The following GZMH variants were observed in gnomAD, a reference collection of about 807,000 sequenced individuals.
GZMH encodes the protein granzyme H, also known as cathepsin G-like 2, protein h-CCPX.
Under a neutral mutation model 20.7 loss-of-function variants are expected in GZMH, and 24 were observed. That is an observed-to-expected ratio of 1.16 (90% CI 0.84 to 1.63). The LOEUF (loss-of-function observed/expected upper bound fraction) is 1.63, where lower values mean the gene tolerates loss of function less well. Among genes scored for constraint, GZMH ranks in the 40% most tolerant of loss-of-function variants. The pLI is 0.00. For synonymous variants in GZMH, 119 were observed against 116.1 expected (o/e 1.02, Z -0.16); for missense variants, 344 against 302.7 (o/e 1.14, Z -1.01).
chr14:24,606,751 G>T lies in GZMH; in HGVS notation c.598-5C>A. On this transcript the variant is annotated splice_region_variant and splice_polypyrimidine_tract_variant and intron_variant, in intron 4 of 4. Coordinates refer to ENST00000216338, the MANE Select transcript of GZMH (RefSeq NM_033423.5). ...GAGGGGCCCCCCGGAGTCCCCCTGT[G>T]AACAGAGAGAGGAAAGACTGAGCTA... is the stretch of plus-strand genomic sequence containing the variant. 2 of 1,611,830 alleles carry T rather than the reference G, an allele frequency of 1.2e-6. No homozygotes were observed. Among genetic ancestry groups the T allele is most frequent in the Non-Finnish European group, 1.7e-6 (2 of 1,178,990 alleles).
rs774506401 is a variant in GZMH at position 24,606,730 on chromosome 14, G to A, written c.614C>T (p.Pro205Leu). 1.2e-6 allele frequency: 2 copies of A among 1,613,640 alleles called. No individual in the cohort carries two copies. Among genetic ancestry groups the A allele is most frequent in the Admixed American group, 1.7e-5 (1 of 59,994 alleles). ...TTGGGCTACGTCCTTACACACGAGG[G>A]GCCCCCCGGAGTCCCCCTGTGAACA... ...QTGFKGDSGG[P>L]LVCKDVAQGI... The change falls in exon 5 of 5, where the codon CCC (proline) becomes CTC (leucine). Residue 205 changes from proline (P) to leucine (L), a missense_variant. Coordinates refer to ENST00000216338, the MANE Select transcript of GZMH (RefSeq NM_033423.5).
chr14:24,606,536 C>T lies in GZMH; in HGVS notation c.*67G>A. 1 of 1,495,872 alleles carries T rather than the reference C, an allele frequency of 6.7e-7. No individual in the cohort carries two copies. Among genetic ancestry groups the T allele is most frequent in the South Asian group, 1.2e-5 (1 of 80,084 alleles). 92.7% of individuals were successfully genotyped at this position (1,495,872 alleles called of 1,614,324 possible). A position where few individuals can be genotyped will look rare whatever the true frequency, so the allele number is the denominator to read the frequency against. ...GTCCTGCAACCCCGACTGCCCACCC[C>T]TTGGGGATTCTTGCCTCTGTCCCAG... On this transcript the variant is annotated 3_prime_UTR_variant, in exon 5 of 5. Coordinates refer to ENST00000216338, the MANE Select transcript of GZMH (RefSeq NM_033423.5).
At chr14:24,607,876 T>C (rs1292524661) in intron 2 of GZMH, 129 bp from the exon 3 acceptor site, 1 of 1,363,126 alleles carries the variant, frequency 7.3e-7, no homozygotes, top group Non-Finnish European at 1.0e-6. Flanking sequence ...ACAGGAGGGC[T>C]CCAGGGCTGA....
rs1352268893 is a variant in GZMH, at chr14:24,606,632, A to C, written c.712T>G (p.Trp238Gly). ...VYIKVSHFLP[W>G]IKRTMKRL ...AGGCGCTTCATTGTTCTCTTTATCC[A>C]GGGCAGGAAGTGTGAGACCTTGATG... Residue 238 changes from tryptophan to glycine, a missense_variant, in exon 5 of 5, where the codon TGG becomes GGG. Physicochemically the swap from Trp to Gly is radical, Grantham distance 184. Transcript: ENST00000216338. 4.3e-6 allele frequency: 7 copies of C among 1,613,822 alleles called. No homozygotes were observed. In the East Asian group the frequency reaches 1.6e-4, roughly 36 times the overall value.
At position 24,609,668 on chromosome 14, in the gene GZMH, C is replaced by A; in HGVS notation, c.-55G>T. 4 of 1,311,848 alleles carry A rather than the reference C, an allele frequency of 3.0e-6. No homozygotes were observed. Among genetic ancestry groups the A allele is most frequent in the Non-Finnish European group, 2.2e-6 (2 of 916,346 alleles). 81.3% of individuals were successfully genotyped at this position (1,311,848 alleles called of 1,614,324 possible). A position where few individuals can be genotyped will look rare whatever the true frequency, so the allele number is the denominator to read the frequency against. On this transcript the variant is annotated 5_prime_UTR_variant, in exon 1 of 5. Transcript: ENST00000216338. ...TGTTGGTGTTGACTCCTTCCAGAAA[C>A]AAATGCTGGAGGGAGATGAAGGAGG...
In GZMH at chr14:24,607,767, A is replaced by G; in HGVS notation, c.204-20T>C. 1 of 1,614,072 alleles carries G rather than the reference A, an allele frequency of 6.2e-7. No homozygotes were observed. Among genetic ancestry groups the G allele is most frequent in the Non-Finnish European group, 8.5e-7 (1 of 1,180,000 alleles). ...ATGGAGCTGCACAGAGAGCAGAGTG[A>G]GGATGGGGGTGGAGTCACAGGGGAT... is the stretch of plus-strand genomic sequence containing the variant. On this transcript the variant is annotated intron_variant, in intron 2 of 4. Coordinates refer to ENST00000216338, the MANE Select transcript of GZMH (RefSeq NM_033423.5).
Position 24,607,388 on chromosome 14 carries a change from A to C in GZMH, c.358T>G (p.Trp120Gly). 6.3e-7 allele frequency: 1 copy of C among 1,598,482 alleles called. No homozygotes were observed. Among genetic ancestry groups the C allele is most frequent in the Middle Eastern group, 1.7e-4 (1 of 5,884 alleles). The change falls in exon 4 of 5, where the codon TGG becomes GGG. Residue 120 changes from tryptophan to glycine, a missense_variant. Physicochemically the swap from Trp to Gly is radical, Grantham distance 184. Transcript: ENST00000216338. ...CTGAGAGGCCGCACAGCTGTGGTCC[A>C]CTTGGCCTTTCTCTCCAGCTGGTGG... ...MLLQLERKAK[W>G]TTAVRPLRLP...
intron 2 of GZMH, 87 bp downstream of exon 2, chr14:24,608,178 T>C (rs1325556740): frequency 7.0e-7 from 1 of 1,437,300 alleles, no homozygotes; most frequent in Non-Finnish European, 9.6e-7. Context: ...CCAGGAACTC[T>C]GGAAGCTCCC....
In GZMH at chr14:24,606,749, G is replaced by A; in HGVS notation, c.598-3C>T. On this transcript the variant is annotated splice_region_variant and splice_polypyrimidine_tract_variant and intron_variant, in intron 4 of 4. Coordinates refer to ENST00000216338, the MANE Select transcript of GZMH (RefSeq NM_033423.5). ...ACGAGGGGCCCCCCGGAGTCCCCCTGTGAACAGAGAGAGGAAAGACTGAGC... is the reference window on the plus strand; with the variant it reads ...ACGAGGGGCCCCCCGGAGTCCCCCTATGAACAGAGAGAGGAAAGACTGAGC... The A allele has an allele frequency of 1.2e-6, 2 of 1,612,250 alleles. No homozygotes were observed. The highest frequency in any genetic ancestry group is 1.1e-5 in the South Asian group (1 of 90,950).
rs746302338 is a variant in GZMH, at chr14:24,607,723, G to A, written c.228C>T (p.Ala76=). The A allele has an allele frequency of 2.5e-6, 4 of 1,614,026 alleles. No homozygotes were observed. The change falls in exon 3 of 5, where the codon GCC becomes GCT. Residue 76 remains alanine (A), a synonymous_variant. Transcript: ENST00000216338. The part of the protein sequence containing the change: ...QGSSINVTLG[A]HNIKEQERTQ... ...TCCGCTCCTGTTCCTTGATATTGTG[G>A]GCCCCCAAGGTGACATTTATGGAGC...
At chr14:24,606,989 C>G (rs1441929349) in intron 4 of GZMH, among the ~76,000 whole-genome samples, 160 bp downstream of exon 4, 3 of 152,164 alleles carry the variant, frequency 2.0e-5, no homozygotes, top group Non-Finnish European at 4.4e-5. Flanking sequence ...CCAGCCACCC[C>G]AGTCCACCCA....
Position 24,607,732 on chromosome 14 carries a change from G to A in GZMH, c.219C>T (p.Thr73=). 1 of 1,614,096 alleles carries A rather than the reference G, an allele frequency of 6.2e-7. No individual in the cohort carries two copies. The highest frequency in any genetic ancestry group is 8.5e-7 in the Non-Finnish European group (1 of 1,179,962). ...GTTCCTTGATATTGTGGGCCCCCAA[G>A]GTGACATTTATGGAGCTGCACAGAG... is the stretch of plus-strand genomic sequence containing the variant. ...AHCQGSSINV[T]LGAHNIKEQE... The change falls in exon 3 of 5, where the codon ACC becomes ACT. Residue 73 remains threonine, a synonymous_variant. Coordinates refer to ENST00000216338, the MANE Select transcript of GZMH (RefSeq NM_033423.5).
intron 1 of GZMH, among the ~76,000 whole-genome samples, chr14:24,609,114 C>G (rs2066893451): frequency 6.6e-6 from 1 of 152,198 alleles, no homozygotes; most frequent in South Asian, 2.1e-4. Context: ...ATCTTGCCAT[C>G]TCTGAGATCA....
intron 1 of GZMH, 147 bp from the exon 2 acceptor site, chr14:24,608,559 T>C (rs1269859967): frequency 5.0e-6 from 4 of 793,750 alleles, no homozygotes; most frequent in East Asian, 5.0e-5. Context: ...GCAGTACTCC[T>C]TGCAGGCAGA....
chr14:24,608,014 T>C (rs1270423903), intron 2 of GZMH, among the ~76,000 whole-genome samples: 1 of 152,226 alleles, frequency 6.6e-6, no homozygotes, highest in East Asian at 1.9e-4. Flanking sequence ...ATTCAACCTT[T>C]ACTACTGCCT....
At chr14:24,607,887 G>GTGA (rs764612053) in intron 2 of GZMH, 140 bp from the exon 3 acceptor site, 26 of 1,229,296 alleles carry the variant, frequency 2.1e-5, no homozygotes, top group Non-Finnish European at 2.6e-5. Context: ...CCAGGGCTGA[G>GTGA]TGACTGTGCC....
chr14:24,608,383 G>T lies in GZMH; in HGVS notation c.85C>A (p.Pro29Thr). ...AAGGCCATGTAGGGGCGGGAGTGGG[G>T]CTTGGCCTCATGGCCCCCGATGATC... is the stretch of plus-strand genomic sequence containing the variant. ...EEIIGGHEAK[P>T]HSRPYMAFVQ... The change falls in exon 2 of 5, where the codon CCC (proline) becomes ACC (threonine). Residue 29 changes from proline (P) to threonine (T), a missense_variant. Transcript: ENST00000216338. 1 of 1,614,138 alleles carries T rather than the reference G, an allele frequency of 6.2e-7. No homozygotes were observed.
rs556464443 is a variant in GZMH at position 24,607,474 on chromosome 14, G to A, written c.340-68C>T. On this transcript the variant is annotated intron_variant, in intron 3 of 4. Coordinates refer to ENST00000216338, the MANE Select transcript of GZMH (RefSeq NM_033423.5). ...TTCTGGGCCCCGACACAGTGATGGG[G>A]CTGCACAATCTTCCCTCTCCTCTAA... The A allele has an allele frequency of 1.1e-3, 1,702 of 1,580,382 alleles. 2 individuals are homozygous for A. The highest frequency in any genetic ancestry group is 1.3e-3 in the Non-Finnish European group (1,519 of 1,161,626).
rs1221605641 is a variant in GZMH at position 24,609,543 on chromosome 14, A to G, written c.55+16T>C. The G allele has an allele frequency of 2.5e-6, 4 of 1,579,762 alleles. No individual in the cohort carries two copies. Among genetic ancestry groups the G allele is most frequent in the Non-Finnish European group, 3.5e-6 (4 of 1,154,698 alleles). ...TAAGATGGGTTCAGGCCTCTGGAAT[A>G]GGGATAGTCACTTACCTGTCCCAGC... On this transcript the variant is annotated intron_variant, in intron 1 of 4. Transcript: ENST00000216338.
Sources: gnomAD v4.1 joint callset for allele counts (sites outside exome capture counted in the v4.1 genomes callset) on GRCh38, gnomAD v4.1.1 for gene constraint, MANE v1.5 for transcripts, NCBI Gene and HGNC (gene_info 2026-07-23, HGNC 2026-07-21) for gene names.